The following MZT2B variants were observed in gnomAD, a reference collection of about 807,000 sequenced individuals.
The protein encoded by MZT2B is mitotic spindle organizing protein 2B, also known as mitotic-spindle organizing protein 2B.
MZT2B carries 11 observed loss-of-function variants against 12.1 expected under a neutral mutation model. The observed-to-expected ratio is 0.91, with a 90% CI of 0.57 to 1.50. MZT2B has a LOEUF of 1.50. Ranked by LOEUF, MZT2B falls within the 40% of genes most tolerant of loss-of-function variation. The pLI is 0.00. For synonymous variants in MZT2B, 85 were observed against 109.5 expected, an observed-to-expected ratio of 0.78 and a Z score of 1.40; for missense variants, 209 against 227.7, an observed-to-expected ratio of 0.92 and a Z score of 0.53.
chr2:130,183,913 C>T, intron 2 of MZT2B: 1 of 1,550,588 alleles, frequency 6.4e-7, no homozygotes, highest in Non-Finnish European at 8.7e-7. Flanking sequence ...CCTCTCTCTC[C>T]AGGCCCCCCG....
intron 2 of MZT2B, chr2:130,183,677 G>A (rs1333174340): frequency 5.2e-6 from 8 of 1,536,004 alleles, no homozygotes; most frequent in Middle Eastern, 3.4e-4. Flanking sequence ...GGAGTGCCAG[G>A]GCCTGGGCAC....
chr2:130,188,446 G>A (rs540632542), intron 2 of MZT2B, among the ~76,000 whole-genome samples: 1 of 152,296 alleles, frequency 6.6e-6, no homozygotes, highest in South Asian at 2.1e-4. Context: ...CTAGAATTAT[G>A]GCAGTTTGTA....
At chr2:130,192,382 A>G (rs1390349137), downstream of MZT2B, among the ~76,000 whole-genome samples, 1 of 151,068 alleles carries the variant, frequency 6.6e-6, no homozygotes, top group Non-Finnish European at 1.5e-5. Flanking sequence ...TACCTGTGAC[A>G]TGTGATAGGT....
At chr2:130,181,836 C>T (rs1689678601), upstream of MZT2B, 5 of 1,541,568 alleles carry the variant, frequency 3.2e-6, no homozygotes, top group Non-Finnish European at 4.4e-6. Flanking sequence ...TGCGCGTAAG[C>T]AGTATTGTTG....
At chr2:130,182,874 C>G (rs1234264060) in intron 2 of MZT2B, 99 bp downstream of exon 2, 6 of 1,469,898 alleles carry the variant, frequency 4.1e-6, no homozygotes, top group African/African-American at 2.8e-5. Context: ...AGTGGCCAGG[C>G]CTGTCTGTCG....
chr2:130,190,733 T>C (rs1690238084), downstream of MZT2B: 3 of 1,424,584 alleles, frequency 2.1e-6, no homozygotes, highest in Non-Finnish European at 1.8e-6. Context: ...GGTCAGATGT[T>C]GTCTACCGTT....
chr2:130,191,297 T>C (rs1690251925), downstream of MZT2B, among the ~76,000 whole-genome samples: 1 of 152,184 alleles, frequency 6.6e-6, no homozygotes, highest in African/African-American at 2.4e-5. Flanking sequence ...GGGGTCAGCA[T>C]GGGTGTGTTG....
chr2:130,182,625 A>G lies in MZT2B; in HGVS notation c.171-2A>G, dbSNP rs1255078525. The G allele has an allele frequency of 2.0e-6, 3 of 1,528,416 alleles. No homozygotes were observed. The highest frequency in any genetic ancestry group is 2.8e-5 in the African/African-American group (2 of 72,668). The allele number at this position is 1,528,416 out of a possible 1,614,324, so 94.7% of individuals were successfully genotyped here. On this transcript the variant is annotated splice_acceptor_variant, in intron 1 of 2. Coordinates refer to ENST00000281871, the MANE Select transcript of MZT2B (RefSeq NM_025029.5). LOFTEE classifies it high-confidence loss of function. ...CACCGGCCCCGCGTCTGTCCCCGCC[A>G]GGATCCTGGTGGACCTGCTGAAGCT...
intron 2 of MZT2B, 67 bp from the exon 3 acceptor site, chr2:130,190,402 G>C (rs975031322): frequency 1.3e-6 from 2 of 1,589,122 alleles, no homozygotes; most frequent in Non-Finnish European, 1.7e-6. Context: ...CAAGGACCAC[G>C]AGTACAGCAG....
chr2:130,199,195 C>A, the MZT2B span, among the ~76,000 whole-genome samples: 9 of 119,382 alleles, frequency 7.5e-5, 2 homozygotes, highest in Admixed American at 3.8e-4. Flanking sequence ...GCCTGGGCAA[C>A]AGAGCCAGAC....
At chr2:130,184,370 A>G in intron 2 of MZT2B, 1 of 985,414 alleles carries the variant, frequency 1.0e-6, no homozygotes, top group Non-Finnish European at 1.2e-6. Context: ...GCTGAAACAG[A>G]GACTCCCACC....
downstream of MZT2B, chr2:130,191,908 C>G (rs966669840): frequency 6.2e-7 from 1 of 1,614,016 alleles, no homozygotes; most frequent in Non-Finnish European, 8.5e-7. Context: ...TCTAGAGCTG[C>G]CAGGTCCTCG....
At chr2:130,191,111 G>A (rs868300929), downstream of MZT2B, among the ~76,000 whole-genome samples, 8 of 152,100 alleles carry the variant, frequency 5.3e-5, 1 homozygote, top group Non-Finnish European at 8.8e-5. Flanking sequence ...CACCACGCCC[G>A]GCTAATTTTG....
downstream of MZT2B, among the ~76,000 whole-genome samples, chr2:130,193,090 C>CAA (rs34628369): frequency 6.2e-3 from 834 of 134,176 alleles, 4 homozygotes; most frequent in East Asian, 0.029. Context: ...AAGATTGTCT[C>CAA]AAAAAAAAAA....
chr2:130,194,723 G>C (rs943079216), downstream of MZT2B, among the ~76,000 whole-genome samples: 1 of 152,132 alleles, frequency 6.6e-6, no homozygotes, highest in African/African-American at 2.4e-5. Context: ...TGTTGCCCAG[G>C]TTAGAGTGCA....
At chr2:130,181,874 G>T (rs561080595), upstream of MZT2B, 16 of 880,330 alleles carry the variant, frequency 1.8e-5, no homozygotes, top group African/African-American at 3.1e-4. Context: ...CCCCCCGCCC[G>T]CCCCGAAAAG....
At chr2:130,196,478 G>C in the MZT2B span, 2 of 1,455,426 alleles carry the variant, frequency 1.4e-6, no homozygotes, top group Non-Finnish European at 1.8e-6. Flanking sequence ...TCAGTATCTG[G>C]CGCTTTCACA....
chr2:130,182,618 C>G lies in MZT2B; in HGVS notation c.171-9C>G. 6.5e-7 allele frequency: 1 copy of G among 1,540,852 alleles called. No individual in the cohort carries two copies. The highest frequency in any genetic ancestry group is 8.7e-7 in the Non-Finnish European group (1 of 1,144,588). ...GAGGGCTCACCGGCCCCGCGTCTGT[C>G]CCCGCCAGGATCCTGGTGGACCTGC... On this transcript the variant is annotated splice_polypyrimidine_tract_variant and intron_variant, in intron 1 of 2. Transcript: ENST00000281871.
the MZT2B span, chr2:130,196,272 G>A: frequency 6.2e-7 from 1 of 1,614,058 alleles, no homozygotes. Flanking sequence ...CTTGGCATTT[G>A]ACCATCGGGC....
Sources: allele counts gnomAD v4.1 joint callset (sites outside exome capture counted in the v4.1 genomes callset), GRCh38; gene constraint gnomAD v4.1.1; transcripts MANE v1.5; gene names NCBI Gene and HGNC (gene_info 2026-07-23, HGNC 2026-07-21).